Variants in ZC3H12B observed in about 807,000 individuals in gnomAD.
The protein encoded by ZC3H12B is zinc finger CCCH-type containing 12B.
In ZC3H12B, 7 loss-of-function variants were observed where a neutral mutation model predicts 43.9. The observed-to-expected ratio is 0.16, with a 90% CI of 0.09 to 0.30. ZC3H12B has a LOEUF of 0.30. Ranked by LOEUF, ZC3H12B falls within the 10% of genes least tolerant of loss-of-function variation. The pLI, the probability that ZC3H12B is intolerant of heterozygous loss-of-function variation, is 1.00. For synonymous variants in ZC3H12B, 222 were observed against 241.7 expected, an observed-to-expected ratio of 0.92 and a Z score of 0.76; for missense variants, 475 against 670.2, an observed-to-expected ratio of 0.71 and a Z score of 3.22.
rs1569379791 is a variant in ZC3H12B at position 65,373,986 on chromosome X, A to ATATATATAGTATATATATATATAC, written n.295+4996_295+4997insGTATATATATATATACTATATATA. 1.2e-3 allele frequency among the ~76,000 whole-genome samples: 36 copies of ATATATATAGTATATATATATATAC among 28,896 alleles called. 3 individuals are homozygous for ATATATATAGTATATATATATATAC. Among genetic ancestry groups the ATATATATAGTATATATATATATAC allele is most frequent in the African/African-American group, 8.1e-3 (34 of 4,177 alleles). 25.1% of individuals were successfully genotyped at this position (28,896 alleles called of 115,157 possible). Reference sequence around the variant, plus strand: ...TGTATATATAGTATATATATATACTATATATATATAGTATATATATATAAC... The same window carrying ATATATATAGTATATATATATATAC: ...TGTATATATAGTATATATATATACTATATATATAGTATATATATATATACTATATATATAGTATATATATATAAC... On this transcript the variant is annotated intron_variant and non_coding_transcript_variant, in intron 2 of 5. Coordinates refer to the ZC3H12B transcript ENST00000617377.
chrX:65,161,642 G>C, the ZC3H12B span, among the ~76,000 whole-genome samples: 1 of 111,101 alleles, frequency 9.0e-6, no homozygotes, highest in Non-Finnish European at 1.9e-5. Context: ...CTTTTATTTT[G>C]AGTCTATGTG....
the ZC3H12B span, among the ~76,000 whole-genome samples, chrX:65,278,223 C>T: frequency 5.0e-4 from 56 of 111,466 alleles, no homozygotes; most frequent in Non-Finnish European, 9.6e-4. Flanking sequence ...ATTCAGTGAC[C>T]TCTGGTTGTC....
At chrX:65,056,083 A>G in the ZC3H12B span, among the ~76,000 whole-genome samples, 2 of 111,518 alleles carry the variant, frequency 1.8e-5, no homozygotes, top group Non-Finnish European at 3.8e-5. Context: ...CTGTGTCTGT[A>G]TCTCCTACAT....
the ZC3H12B span, among the ~76,000 whole-genome samples, chrX:65,083,324 C>A: frequency 9.0e-6 from 1 of 111,629 alleles, no homozygotes; most frequent in Admixed American, 9.5e-5. Context: ...ATCAAATTAT[C>A]CTTGTTTGCA....
chrX:65,153,668 G>T, the ZC3H12B span, among the ~76,000 whole-genome samples: 1 of 112,325 alleles, frequency 8.9e-6, no homozygotes, highest in African/African-American at 3.2e-5. Context: ...GGAAGTCAAT[G>T]TGGTGATTCC....
chrX:65,181,162 C>G, the ZC3H12B span, among the ~76,000 whole-genome samples: 1 of 111,667 alleles, frequency 9.0e-6, no homozygotes, highest in Admixed American at 9.6e-5. Flanking sequence ...AAAGGATTTT[C>G]TATTTAATTA....
chrX:65,479,970 G>A (rs1039787729), intron 3 of ZC3H12B, among the ~76,000 whole-genome samples: 1 of 112,469 alleles, frequency 8.9e-6, no homozygotes, highest in East Asian at 2.8e-4. Flanking sequence ...AAGTTACAAA[G>A]TTATTTACTT....
chrX:65,466,295 C>T (rs2067816676), intron 3 of ZC3H12B, among the ~76,000 whole-genome samples: 1 of 110,359 alleles, frequency 9.1e-6, no homozygotes, highest in Admixed American at 9.8e-5. Context: ...TAGAATAATG[C>T]CCTCCAGATT....
chrX:65,109,873 T>A, the ZC3H12B span, among the ~76,000 whole-genome samples: 1 of 111,869 alleles, frequency 8.9e-6, no homozygotes. Context: ...TATTATCATT[T>A]TGTTAATAGC....
the ZC3H12B span, among the ~76,000 whole-genome samples, chrX:65,262,058 T>C: frequency 9.0e-6 from 1 of 110,866 alleles, no homozygotes; most frequent in African/African-American, 3.3e-5. Flanking sequence ...AGGCTCCTTT[T>C]TATAGGGTCT....
chrX:65,145,399 T>C, the ZC3H12B span, among the ~76,000 whole-genome samples: 1 of 111,339 alleles, frequency 9.0e-6, no homozygotes, highest in African/African-American at 3.3e-5. Flanking sequence ...AGCATATAAT[T>C]GGTTGGTGAA....
At chrX:65,401,810 A>C (rs944699191) in intron 3 of ZC3H12B, among the ~76,000 whole-genome samples, 2 of 111,616 alleles carry the variant, frequency 1.8e-5, no homozygotes, top group African/African-American at 3.3e-5. Flanking sequence ...TAGTTTCCTG[A>C]CGACATCTCA....
chrX:65,299,004 A>T, the ZC3H12B span, among the ~76,000 whole-genome samples: 4 of 111,536 alleles, frequency 3.6e-5, no homozygotes, highest in East Asian at 1.1e-3. Flanking sequence ...AATTACCTCT[A>T]CCTGGTCTCT....
the ZC3H12B span, among the ~76,000 whole-genome samples, chrX:65,096,883 C>A: frequency 4.5e-5 from 5 of 111,118 alleles, no homozygotes; most frequent in African/African-American, 1.3e-4. Flanking sequence ...AATATGGTTA[C>A]TATTGGTAGA....
the ZC3H12B span, among the ~76,000 whole-genome samples, chrX:65,088,892 T>C: frequency 8.9e-6 from 1 of 111,824 alleles, no homozygotes; most frequent in Non-Finnish European, 1.9e-5. Context: ...AGCAAGTTAC[T>C]TAATTTGTGC....
chrX:65,371,241 C>T (rs1315342352), intron 2 of ZC3H12B, among the ~76,000 whole-genome samples: 4 of 111,881 alleles, frequency 3.6e-5, no homozygotes, highest in Non-Finnish European at 7.5e-5. Context: ...TTAGCATAAT[C>T]CTTTACATTT....
chrX:65,483,688 T>C (rs956982681), intron 3 of ZC3H12B, among the ~76,000 whole-genome samples: 2 of 112,449 alleles, frequency 1.8e-5, no homozygotes, highest in African/African-American at 6.5e-5. Flanking sequence ...AAATGATTGT[T>C]CATATGTTAT....
chrX:65,253,991 G>A, the ZC3H12B span, among the ~76,000 whole-genome samples: 1 of 111,683 alleles, frequency 9.0e-6, no homozygotes, highest in Admixed American at 9.4e-5. Context: ...AGTGCACCCT[G>A]CCCTACCCCA....
the ZC3H12B span, among the ~76,000 whole-genome samples, chrX:65,252,081 A>G: frequency 1.8e-5 from 2 of 111,795 alleles, no homozygotes; most frequent in African/African-American, 6.5e-5. Context: ...TTTGTCATAA[A>G]TAGATCTTAT....
Sources: gnomAD v4.1 joint callset for allele counts (sites outside exome capture counted in the v4.1 genomes callset) on GRCh38, gnomAD v4.1.1 for gene constraint, MANE v1.5 for transcripts, NCBI Gene and HGNC (gene_info 2026-07-23, HGNC 2026-07-21) for gene names.